CDH23: variants seen among roughly 807,000 people sequenced by gnomAD.
The protein encoded by CDH23 is cadherin-23.
In CDH23, 189 loss-of-function variants were observed where a neutral mutation model predicts 317.1. The observed-to-expected ratio is 0.60, with a 90% CI of 0.53 to 0.67. The LOEUF is 0.67. Among genes scored for constraint, CDH23 ranks in the 30% least tolerant of loss-of-function variants. CDH23 has a pLI of 0.00. For missense variants in CDH23, 4,401 were observed against 4,592.4 expected, an observed-to-expected ratio of 0.96 and a Z score of 1.20; for synonymous variants, 1,839 against 1,876.8, an observed-to-expected ratio of 0.98 and a Z score of 0.52.
At chr10:71,577,239 T>C (rs1293858301) in intron 8 of CDH23, among the ~76,000 whole-genome samples, 1 of 152,120 alleles carries the variant, frequency 6.6e-6, no homozygotes, top group African/African-American at 2.4e-5. Flanking sequence ...CTTCCTATAC[T>C]GTTAGTTCCA....
intron 34 of CDH23, among the ~76,000 whole-genome samples, chr10:71,736,494 C>G (rs1042991267): frequency 2.0e-5 from 3 of 152,174 alleles, no homozygotes; most frequent in Non-Finnish European, 4.4e-5. Flanking sequence ...GCTATAAGAG[C>G]TCTTGAGTAA....
intron 3 of CDH23, among the ~76,000 whole-genome samples, chr10:71,503,899 A>C (rs1184176493): frequency 1.3e-5 from 2 of 152,282 alleles, no homozygotes; most frequent in East Asian, 1.9e-4. Context: ...GGCAGCCACA[A>C]ACTTGTCCTG....
chr10:71,578,664 G>A lies in CDH23; in HGVS notation c.832+672G>A, dbSNP rs567150357. On this transcript the variant is annotated intron_variant, in intron 9 of 69. Transcript: ENST00000224721. ...CAGGGCTGGGTGGTTTTAGAGCAAG[G>A]TTGCCTTGAGGATGTGGTGACAGGC... Among the ~76,000 whole-genome samples the A allele has an allele frequency of 3.9e-5, 6 of 152,280 alleles. No individual in the cohort carries two copies. In the East Asian group the frequency reaches 1.2e-3, roughly 29 times the overall value.
intron 27 of CDH23, among the ~76,000 whole-genome samples, chr10:71,711,237 G>A (rs1865958331): frequency 1.3e-5 from 2 of 152,062 alleles, no homozygotes; most frequent in South Asian, 4.1e-4. Context: ...CTTCTAGGGA[G>A]CCTCCCACAC....
At position 71,439,910 on chromosome 10, in the gene CDH23, C is replaced by T. The variant is rs74144963; in HGVS notation, c.67+12C>T. 14,162 of 1,564,202 alleles carry T rather than the reference C, an allele frequency of 9.1e-3. 1,112 individuals carry two copies. The African/African-American group carries it at 0.17, about 18-fold the overall frequency. Reference sequence around the variant, plus strand: ...CTCTGGATGCTGGGGTAAGTCCAGTCCTCCCCGTGTCTATCCCATGGGCAG... The same window carrying T: ...CTCTGGATGCTGGGGTAAGTCCAGTTCTCCCCGTGTCTATCCCATGGGCAG... On this transcript the variant is annotated intron_variant, in intron 2 of 69. Transcript: ENST00000224721.
intron 9 of CDH23, among the ~76,000 whole-genome samples, chr10:71,599,678 A>G (rs1026652465): frequency 6.6e-6 from 1 of 152,326 alleles, no homozygotes; most frequent in East Asian, 1.9e-4. Context: ...TGTGGTCCCC[A>G]AAGCTTCTCA....
chr10:71,470,710 C>T (rs1238480134), intron 3 of CDH23, among the ~76,000 whole-genome samples: 1 of 152,120 alleles, frequency 6.6e-6, no homozygotes, highest in Admixed American at 6.6e-5. Flanking sequence ...CTGGGCTGGT[C>T]TAACTCCTGG....
At chr10:71,560,504 T>A (rs777704340) in intron 6 of CDH23, among the ~76,000 whole-genome samples, 1 of 152,136 alleles carries the variant, frequency 6.6e-6, no homozygotes, top group African/African-American at 2.4e-5. Context: ...TTCTCTGGAA[T>A]CCTGAGGTCT....
chr10:71,810,030 T>C lies in CDH23; in HGVS notation c.8933T>C (p.Leu2978Pro), dbSNP rs1308490229. ...GGCTTCGAGGAGGAGTTCATCCACCTGCTCTCCAACATCACTGGGGCCATT... is the reference window on the plus strand; with the variant it reads ...GGCTTCGAGGAGGAGTTCATCCACCCGCTCTCCAACATCACTGGGGCCATT... ...VRGFEEEFIHLLSNITGAIVN... is the reference protein window; with the variant it reads ...VRGFEEEFIHPLSNITGAIVN... Residue 2978 changes from leucine to proline, a missense_variant, in exon 61 of 70, where the codon CTG becomes CCG. Coordinates refer to ENST00000224721, the MANE Select transcript of CDH23 (RefSeq NM_022124.6). 3 of 1,612,622 alleles carry C rather than the reference T, an allele frequency of 1.9e-6. No individual in the cohort carries two copies. The highest frequency in any genetic ancestry group is 2.5e-6 in the Non-Finnish European group (3 of 1,179,878).
intron 3 of CDH23, among the ~76,000 whole-genome samples, chr10:71,448,500 T>G (rs1850279249): frequency 6.6e-6 from 1 of 152,180 alleles, no homozygotes; most frequent in Non-Finnish European, 1.5e-5. Context: ...TGCTCTTCTC[T>G]CTAGGCAGGG....
At chr10:71,623,022 T>A in intron 11 of CDH23, 1 of 894,492 alleles carries the variant, frequency 1.1e-6, no homozygotes, top group Non-Finnish European at 1.3e-6. Flanking sequence ...ACAAGTGTTA[T>A]GTGCACCAAC....
At chr10:71,494,046 T>C (rs1164892936) in intron 3 of CDH23, among the ~76,000 whole-genome samples, 5 of 152,188 alleles carry the variant, frequency 3.3e-5, no homozygotes, top group African/African-American at 1.2e-4. Context: ...GTTTTCATTT[T>C]TCGGAGAATT....
intron 3 of CDH23, among the ~76,000 whole-genome samples, chr10:71,473,348 G>C (rs541253972): frequency 1.1e-3 from 164 of 152,348 alleles, no homozygotes; most frequent in African/African-American, 3.7e-3. Context: ...AAATGCCATG[G>C]AGGAATACCA....
At chr10:71,712,853 G>A (rs1305105516) in intron 28 of CDH23, 40 bp downstream of exon 28, 1 of 1,597,360 alleles carries the variant, frequency 6.3e-7, no homozygotes. Flanking sequence ...GGTGGGCTGG[G>A]GGAGGCGGAG....
chr10:71,486,231 C>T (rs1192611278), intron 3 of CDH23, among the ~76,000 whole-genome samples: 7 of 152,192 alleles, frequency 4.6e-5, no homozygotes, highest in Admixed American at 3.9e-4. Flanking sequence ...GTCCCTGTCT[C>T]CTCTGCATCT....
chr10:71,809,728 G>A, intron 60 of CDH23, 92 bp from the exon 61 acceptor site: 1 of 1,531,640 alleles, frequency 6.5e-7, no homozygotes, highest in Middle Eastern at 1.7e-4. Context: ...GCCTCCCCTA[G>A]ATGTGCCCAC....
chr10:71,642,339 G>A (rs1215411372), intron 11 of CDH23, among the ~76,000 whole-genome samples: 3 of 151,864 alleles, frequency 2.0e-5, no homozygotes, highest in Non-Finnish European at 4.4e-5. Context: ...CCTTGGCTGG[G>A]GCAGCAGCAC....
intron 9 of CDH23, among the ~76,000 whole-genome samples, chr10:71,606,297 G>A (rs889548473): frequency 6.6e-6 from 1 of 152,230 alleles, no homozygotes; most frequent in African/African-American, 2.4e-5. Flanking sequence ...GTCTTACCCT[G>A]ACTGGACAGT....
At chr10:71,589,221 G>T (rs952707034) in intron 9 of CDH23, among the ~76,000 whole-genome samples, 1 of 152,132 alleles carries the variant, frequency 6.6e-6, no homozygotes, top group African/African-American at 2.4e-5. Context: ...CAGGGTTCAA[G>T]CAATTCTCCT....
Sources: allele counts gnomAD v4.1 joint callset (sites outside exome capture counted in the v4.1 genomes callset), GRCh38; gene constraint gnomAD v4.1.1; transcripts MANE v1.5; gene names NCBI Gene and HGNC (gene_info 2026-07-23, HGNC 2026-07-21).